The following MYOCD variants were observed in gnomAD, a reference collection of about 807,000 sequenced individuals.
MYOCD encodes myocardin.
A neutral mutation model predicts 96.1 loss-of-function variants in MYOCD; 32 were observed. That is an observed-to-expected ratio of 0.33 (90% CI 0.25 to 0.45). The LOEUF is 0.45. Ranked by LOEUF, MYOCD falls within the 20% of genes least tolerant of loss-of-function variation. The pLI is 1.00. For missense variants in MYOCD, 1,133 were observed against 1,200.6 expected (o/e 0.94, Z 0.83); for synonymous variants, 469 against 469.0 (o/e 1.00, Z 0.00).
intron 1 of MYOCD, among the ~76,000 whole-genome samples, chr17:12,695,765 A>G (rs1662084462): frequency 6.6e-6 from 1 of 152,216 alleles, no homozygotes; most frequent in African/African-American, 2.4e-5. Flanking sequence ...CAGTGGCATT[A>G]CGTACACTCA....
At position 12,764,539 on chromosome 17, in the gene MYOCD, C is replaced by G. The variant is rs997416774; in HGVS notation, c.*895C>G. The G allele has an allele frequency of 6.6e-6, 1 of 152,298 alleles. No homozygotes were observed. The highest frequency in any genetic ancestry group is 6.5e-5 in the Admixed American group (1 of 15,274). The allele number at this position is 152,298 out of a possible 1,614,324, so 9.4% of individuals were successfully genotyped here. A position where few individuals can be genotyped will look rare whatever the true frequency, so the allele number is the denominator to read the frequency against. On this transcript the variant is annotated 3_prime_UTR_variant, in exon 14 of 14. Coordinates refer to ENST00000425538, the MANE Select transcript of MYOCD (RefSeq NM_001146312.3). ...TATCTCGAGGCACAGGAAGGGAGCC[C>G]CACCAGGGATAATTCAGACAGGACT...
chr17:12,723,301 T>G (rs1218943259), intron 5 of MYOCD, among the ~76,000 whole-genome samples: 1 of 152,164 alleles, frequency 6.6e-6, no homozygotes, highest in Non-Finnish European at 1.5e-5. Flanking sequence ...AGACATCCAT[T>G]ACTTAGGAGT....
chr17:12,708,607 G>T (rs930458543), intron 2 of MYOCD, among the ~76,000 whole-genome samples: 3 of 152,050 alleles, frequency 2.0e-5, no homozygotes, highest in Non-Finnish European at 2.9e-5. Context: ...TGGCCAGGAT[G>T]GTCTCGAACT....
intron 5 of MYOCD, among the ~76,000 whole-genome samples, chr17:12,731,220 G>C (rs948532873): frequency 1.2e-4 from 19 of 152,194 alleles, no homozygotes; most frequent in Non-Finnish European, 8.8e-5. Flanking sequence ...CAGGAGACTT[G>C]GTCATTCCAG....
At chr17:12,749,089 CTTCTT>C (rs148496914) in intron 9 of MYOCD, among the ~76,000 whole-genome samples, 11,518 of 152,114 alleles carry the variant, frequency 0.076, 494 homozygotes, top group Middle Eastern at 0.12. Context: ...TACTGGCATA[CTTCTT>C]TTCTTAACAC....
At chr17:12,757,758 T>C (rs921484483) in intron 11 of MYOCD, among the ~76,000 whole-genome samples, 7 of 152,144 alleles carry the variant, frequency 4.6e-5, no homozygotes, top group Non-Finnish European at 8.8e-5. Flanking sequence ...CCTCCCAAAG[T>C]GCTAGTATTA....
rs527604783 is a variant in MYOCD, at chr17:12,756,625, G to T, written c.2202+68G>T. On this transcript the variant is annotated intron_variant, in intron 11 of 13. Transcript: ENST00000425538. ...CTCTTCTCTCTTCTGTAACCCGGGA[G>T]GCAGAAGTTGCAGTGAGCCGAGATC... 15 of 1,436,728 alleles carry T rather than the reference G, an allele frequency of 1.0e-5. No homozygotes were observed. The African/African-American group carries it at 1.9e-4, about 18-fold the overall frequency. 89.0% of individuals were successfully genotyped at this position (1,436,728 alleles called of 1,614,324 possible).
intron 1 of MYOCD, among the ~76,000 whole-genome samples, chr17:12,685,814 CT>C (rs199857378): frequency 0.015 from 2,295 of 152,216 alleles, 18 homozygotes; most frequent in Middle Eastern, 0.031. Context: ...CCTTAAATTG[CT>C]TTGTATAATT....
intron 12 of MYOCD, among the ~76,000 whole-genome samples, chr17:12,758,541 G>T (rs1371253079): frequency 6.6e-6 from 1 of 152,126 alleles, no homozygotes; most frequent in Non-Finnish European, 1.5e-5. Flanking sequence ...AGATAGCCTC[G>T]CACTTACCAC....
chr17:12,740,827 C>A (rs1597797564), intron 7 of MYOCD, among the ~76,000 whole-genome samples: 1 of 152,294 alleles, frequency 6.6e-6, no homozygotes, highest in Non-Finnish European at 1.5e-5. Context: ...CAACCTCCGC[C>A]TCCCAGGTTC....
rs74369867 is a variant in MYOCD at position 12,711,686 on chromosome 17, A to G, written c.122-3833A>G. Among the ~76,000 whole-genome samples, 441 of 152,262 alleles carry G rather than the reference A, an allele frequency of 2.9e-3. 3 individuals are homozygous for G. Among genetic ancestry groups the G allele is most frequent in the African/African-American group, 0.01 (417 of 41,570 alleles). On this transcript the variant is annotated intron_variant, in intron 2 of 13. Transcript: ENST00000425538. ...CTGGACAGACATACTCTTTCTCTTC[A>G]GCTTCTTGAAATGCTGAAAATCAGT...
chr17:12,676,070 C>G (rs1339657276), intron 1 of MYOCD, among the ~76,000 whole-genome samples: 1 of 151,818 alleles, frequency 6.6e-6, no homozygotes, highest in Non-Finnish European at 1.5e-5. Context: ...AAATTGACAT[C>G]CTAATAGTGG....
chr17:12,726,643 C>T (rs1234563125), intron 5 of MYOCD, among the ~76,000 whole-genome samples: 1 of 152,118 alleles, frequency 6.6e-6, no homozygotes, highest in African/African-American at 2.4e-5. Flanking sequence ...AGTAGCTAGT[C>T]CTGTCTGCCA....
chr17:12,734,169 C>T (rs547436530), intron 5 of MYOCD, among the ~76,000 whole-genome samples: 1 of 152,204 alleles, frequency 6.6e-6, no homozygotes, highest in Admixed American at 6.5e-5. Flanking sequence ...GGAGGTGATA[C>T]CCTGTGTGGA....
rs1257308820 is a variant in MYOCD at position 12,753,166 on chromosome 17, C to T, written c.1878C>T (p.Ser626=). 1 of 1,614,172 alleles carries T rather than the reference C, an allele frequency of 6.2e-7. No homozygotes were observed. The highest frequency in any genetic ancestry group is 1.1e-5 in the South Asian group (1 of 91,086). ...CAGATCAAACCAATGTACTTTCTTC[C>T]ACATTTCTCAGCCCCCAGTGTTCCC... ...ESSDQTNVLS[S]TFLSPQCSPQ... The change falls in exon 10 of 14, where the codon TCC becomes TCT. Residue 626 remains serine (S), a synonymous_variant. Coordinates refer to ENST00000425538, the MANE Select transcript of MYOCD (RefSeq NM_001146312.3).
At chr17:12,713,074 T>G (rs1044335158) in intron 2 of MYOCD, among the ~76,000 whole-genome samples, 1 of 152,140 alleles carries the variant, frequency 6.6e-6, no homozygotes, top group Non-Finnish European at 1.5e-5. Flanking sequence ...GTGGCCCATA[T>G]AACACCCCTT....
chr17:12,726,398 CCATTCTCTGCCCTAGAGCTTTGT>C (rs1270767823), intron 5 of MYOCD, among the ~76,000 whole-genome samples: 3 of 152,146 alleles, frequency 2.0e-5, no homozygotes, highest in African/African-American at 7.2e-5. Context: ...CCTCAGTTTG[CCATTCTCTGCCCTAGAGCTTTGT>C]CATTCTCTGA....
intron 10 of MYOCD, among the ~76,000 whole-genome samples, chr17:12,755,127 A>C (rs2032974545): frequency 6.6e-6 from 1 of 152,208 alleles, no homozygotes; most frequent in African/African-American, 2.4e-5. Context: ...ATTAGGACCT[A>C]AAAAACTTAT....
intron 5 of MYOCD, among the ~76,000 whole-genome samples, chr17:12,731,134 A>T (rs1418477537): frequency 1.3e-5 from 2 of 152,170 alleles, no homozygotes. Context: ...TAGCCAGCAC[A>T]CCGCTCTCCA....
Sources: allele counts gnomAD v4.1 joint callset (sites outside exome capture counted in the v4.1 genomes callset), GRCh38; gene constraint gnomAD v4.1.1; transcripts MANE v1.5; gene names NCBI Gene and HGNC (gene_info 2026-07-23, HGNC 2026-07-21).